Variants in EPS15 observed in about 807,000 individuals in gnomAD.
The protein encoded by EPS15 is epidermal growth factor receptor pathway substrate 15.
In EPS15, 72 loss-of-function variants were observed where a neutral mutation model predicts 113.8. The observed-to-expected ratio is 0.63, with a 90% CI of 0.52 to 0.77. EPS15 has a LOEUF of 0.77. Ranked by LOEUF, EPS15 falls within the 30% of genes least tolerant of loss-of-function variation. EPS15 has a pLI of 0.00. For synonymous variants in EPS15, 344 were observed against 363.4 expected (o/e 0.95, Z 0.61); for missense variants, 1,048 against 1,045.8 (o/e 1.00, Z -0.03).
intron 8 of EPS15, among the ~76,000 whole-genome samples, chr1:51,450,032 C>T (rs1027291541): frequency 5.9e-5 from 9 of 151,870 alleles, no homozygotes; most frequent in Non-Finnish European, 1.3e-4. Flanking sequence ...AGATGCTGCT[C>T]TTCTTCTCTT....
At chr1:51,443,595 T>G (rs1301275660) in intron 11 of EPS15, among the ~76,000 whole-genome samples, 1 of 151,908 alleles carries the variant, frequency 6.6e-6, no homozygotes, top group African/African-American at 2.4e-5. Context: ...CCATACCTGG[T>G]AGCTATAAAT....
intron 21 of EPS15, among the ~76,000 whole-genome samples, chr1:51,371,455 AT>A (rs1027806682): frequency 2.0e-5 from 3 of 151,164 alleles, no homozygotes; most frequent in Non-Finnish European, 2.9e-5. Context: ...TTGTGTATTA[AT>A]TTTTTTTCCT....
At chr1:51,423,525 C>A in intron 12 of EPS15, 1 of 984,692 alleles carries the variant, frequency 1.0e-6, no homozygotes, top group South Asian at 4.7e-5. Flanking sequence ...CTAGCACCCT[C>A]CCCCCATCCC....
rs777135649 is a variant in EPS15 at position 51,468,550 on chromosome 1, G to A, written c.232C>T (p.Arg78Cys). 7 of 1,612,388 alleles carry A rather than the reference G, an allele frequency of 4.3e-6. No homozygotes were observed. Among genetic ancestry groups the A allele is most frequent in the Admixed American group, 1.7e-5 (1 of 59,896 alleles). ...CCATTCTGGGCACATGCCACAAGAC[G>A]CAAAGCAACAAAGAATTCCTAAGAA... ...LNKQEFFVAL[R>C]LVACAQNGLE... is the part of the protein sequence containing the mutation. The change falls in exon 5 of 25, where the codon CGT becomes TGT. Residue 78 changes from arginine (R) to cysteine (C), a missense_variant. Transcript: ENST00000371733.
At chr1:51,391,928 G>A in intron 21 of EPS15, among the ~76,000 whole-genome samples, 1 of 152,174 alleles carries the variant, frequency 6.6e-6, no homozygotes, top group East Asian at 1.9e-4. Flanking sequence ...TTCAAGTGGA[G>A]ATGCCAAATA....
intron 1 of EPS15, among the ~76,000 whole-genome samples, chr1:51,483,398 A>AGTGTGTGTGTGTGTGTGTGT: frequency 7.1e-6 from 1 of 141,694 alleles, no homozygotes; most frequent in Non-Finnish European, 1.5e-5. Flanking sequence ...CAAGACTGCA[A>AGTGTGTGTGTGTGTGTGTGT]GTGTGTGTGT....
rs1646466523 is a variant in EPS15 at position 51,364,620 on chromosome 1, G to T, written c.2197-592C>A. Among the ~76,000 whole-genome samples, 5 of 151,644 alleles carry T rather than the reference G, an allele frequency of 3.3e-5. No homozygotes were observed. In the South Asian group the frequency reaches 1.0e-3, roughly 32 times the overall value. Reference sequence around the variant, plus strand: ...AGGGATCCTCCTGCCTCAGCCTCTCGAATAGCTAGGACTACAGGTGTGTAC... The same window carrying T: ...AGGGATCCTCCTGCCTCAGCCTCTCTAATAGCTAGGACTACAGGTGTGTAC... On this transcript the variant is annotated intron_variant, in intron 22 of 24. Transcript: ENST00000371733.
intron 13 of EPS15, 46 bp from the exon 14 acceptor site, chr1:51,409,742 G>T: frequency 7.3e-7 from 1 of 1,360,678 alleles, no homozygotes; most frequent in Non-Finnish European, 1.0e-6. Flanking sequence ...TGCGGGCAGG[G>T]GAGGGTTAAG....
chr1:51,486,151 C>T (rs1389965585), intron 1 of EPS15, among the ~76,000 whole-genome samples: 1 of 151,408 alleles, frequency 6.6e-6, no homozygotes, highest in Admixed American at 6.6e-5. Flanking sequence ...GGCACAGTGG[C>T]TCATGCCTGT....
At chr1:51,434,241 T>C (rs72696116) in intron 12 of EPS15, among the ~76,000 whole-genome samples, 9,445 of 152,288 alleles carry the variant, frequency 0.062, 312 homozygotes, top group Non-Finnish European at 0.075. Context: ...GGTATTTGTA[T>C]GTTCATGTTC....
At chr1:51,444,065 T>C (rs1346198214) in intron 11 of EPS15, among the ~76,000 whole-genome samples, 1 of 152,130 alleles carries the variant, frequency 6.6e-6, no homozygotes, top group Admixed American at 6.6e-5. Flanking sequence ...TACCACACAT[T>C]TGACAACTCT....
intron 5 of EPS15, among the ~76,000 whole-genome samples, chr1:51,468,153 G>A (rs1233359155): frequency 2.0e-5 from 3 of 151,902 alleles, no homozygotes; most frequent in Admixed American, 6.6e-5. Flanking sequence ...AGAGATGGGG[G>A]TCTCGCTTTG....
At chr1:51,505,947 C>T (rs933531114) in intron 1 of EPS15, among the ~76,000 whole-genome samples, 7 of 152,146 alleles carry the variant, frequency 4.6e-5, no homozygotes, top group South Asian at 2.1e-4. Context: ...ATTACAATGG[C>T]GCAATCTTGG....
intron 1 of EPS15, among the ~76,000 whole-genome samples, chr1:51,486,634 A>C (rs944133498): frequency 2.0e-5 from 3 of 152,150 alleles, no homozygotes; most frequent in African/African-American, 7.2e-5. Flanking sequence ...GCAAAAGGAC[A>C]CTGCCTGTGA....
intron 21 of EPS15, among the ~76,000 whole-genome samples, chr1:51,390,156 C>T (rs866168487): frequency 0.032 from 4,841 of 150,926 alleles, 124 homozygotes; most frequent in Non-Finnish European, 0.051. Flanking sequence ...TTAGAAATAA[C>T]GCCGCATATC....
At chr1:51,364,361 G>A (rs1315223247) in intron 22 of EPS15, among the ~76,000 whole-genome samples, 11 of 151,994 alleles carry the variant, frequency 7.2e-5, no homozygotes. Context: ...ATGCCTTTCC[G>A]CAAACGAATA....
chr1:51,467,770 C>A (rs1654950371), intron 5 of EPS15, among the ~76,000 whole-genome samples: 1 of 152,034 alleles, frequency 6.6e-6, no homozygotes, highest in Non-Finnish European at 1.5e-5. Context: ...TGTGAGGGAT[C>A]TAGGTTGCAT....
intron 16 of EPS15, among the ~76,000 whole-genome samples, chr1:51,405,467 C>G (rs1398128899): frequency 6.6e-6 from 1 of 152,140 alleles, no homozygotes; most frequent in African/African-American, 2.4e-5. Context: ...GAGGCCGAGG[C>G]AGATGGGTCA....
Position 51,465,345 on chromosome 1 carries a change from C to T in EPS15, c.310-19G>A. 1.3e-6 allele frequency: 2 copies of T among 1,564,558 alleles called. No individual in the cohort carries two copies. The highest frequency in any genetic ancestry group is 8.7e-7 in the Non-Finnish European group (1 of 1,145,918). On this transcript the variant is annotated intron_variant, in intron 5 of 24. Coordinates refer to ENST00000371733, the MANE Select transcript of EPS15 (RefSeq NM_001981.3). ...TATCATGCTATAGAAGAAAGTAAAG[C>T]ACAACAAGAGTTGAAATTCTCACAT...
Sources: allele counts gnomAD v4.1 joint callset (sites outside exome capture counted in the v4.1 genomes callset), GRCh38; gene constraint gnomAD v4.1.1; transcripts MANE v1.5; gene names NCBI Gene and HGNC (gene_info 2026-07-23, HGNC 2026-07-21).